Variants in CSMD3 observed in about 807,000 individuals in gnomAD.
CSMD3 encodes the protein CUB and sushi domain-containing protein 3.
A neutral mutation model predicts 435.2 loss-of-function variants in CSMD3; 177 were observed. That is an observed-to-expected ratio of 0.41 (90% CI 0.36 to 0.46). The LOEUF is 0.46. Ranked by LOEUF, CSMD3 falls within the 20% of genes least tolerant of loss-of-function variation. CSMD3 has a pLI of 0.34. For synonymous variants in CSMD3, 1,656 were observed against 1,520.5 expected (o/e 1.09, Z -2.07); for missense variants, 4,265 against 4,504.6 (o/e 0.95, Z 1.52).
chr8:112,684,587 C>A (rs1354532200), intron 15 of CSMD3, among the ~76,000 whole-genome samples: 1 of 152,034 alleles, frequency 6.6e-6, no homozygotes, highest in East Asian at 1.9e-4. Context: ...GGTATATTTG[C>A]AAACAGAAGC....
Position 113,436,697 on chromosome 8 carries a change from A to G in CSMD3, c.158T>C (p.Leu53Ser). 6.2e-7 allele frequency: 1 copy of G among 1,614,204 alleles called. No homozygotes were observed. Among genetic ancestry groups the G allele is most frequent in the Non-Finnish European group, 8.5e-7 (1 of 1,180,040 alleles). ...GFTFWNLVFL[L>S]TVSCVKGFIY... ...CCTACCTTTCACACAAGACACCGTC[A>G]ATAAAAAGACGAGGTTCCAAAACGT... is the stretch of plus-strand genomic sequence containing the variant. The change falls in exon 1 of 71, where the codon TTG becomes TCG. Residue 53 changes from leucine to serine, a missense_variant. By Grantham distance (145) the Leu-to-Ser change is moderately radical. Around this residue, in one of 3 missense-constraint regions of CSMD3, gnomAD observed 731 missense variants for 755.4 expected, o/e 0.97. Transcript: ENST00000297405.
Position 112,685,478 on chromosome 8 carries a change from T to C in CSMD3, c.2410A>G (p.Ser804Gly), listed in dbSNP as rs2075990555. Residue 804 changes from serine (S) to glycine (G), a missense_variant, in exon 15 of 71, where the codon AGT becomes GGT. Physicochemically the swap from Ser to Gly is moderately conservative, Grantham distance 56. Around this residue, in one of 3 missense-constraint regions of CSMD3, gnomAD observed 279 missense variants for 369.0 expected, o/e 0.76. Transcript: ENST00000297405. The part of the protein sequence containing the change: ...AEVPSHLTSN[S>G]HILRLEFQAD... The stretch of plus-strand genomic sequence containing the variant: ...TGAAATTCCAATCGCAGTATGTGAC[T>C]ATTACTAGTAAGATGGGAAGGCACC... 1 of 1,614,034 alleles carries C rather than the reference T, an allele frequency of 6.2e-7. No individual in the cohort carries two copies. Among genetic ancestry groups the C allele is most frequent in the Non-Finnish European group, 8.5e-7 (1 of 1,179,970 alleles).
chr8:112,674,605 A>C (rs1049939544), intron 16 of CSMD3, among the ~76,000 whole-genome samples: 1 of 152,106 alleles, frequency 6.6e-6, no homozygotes, highest in Non-Finnish European at 1.5e-5. Flanking sequence ...CATTTGATGC[A>C]CAGGAAACTT....
chr8:112,531,457 C>T (rs1316042574), intron 27 of CSMD3, among the ~76,000 whole-genome samples: 1 of 152,104 alleles, frequency 6.6e-6, no homozygotes, highest in Admixed American at 6.5e-5. Flanking sequence ...TTACAACAGC[C>T]ACAGGAATGG....
intron 2 of CSMD3, among the ~76,000 whole-genome samples, chr8:113,298,514 T>C (rs1437667281): frequency 6.6e-6 from 1 of 152,198 alleles, no homozygotes; most frequent in Non-Finnish European, 1.5e-5. Context: ...AATCAGCAAG[T>C]ATTTTATTGA....
intron 32 of CSMD3, among the ~76,000 whole-genome samples, chr8:112,448,318 T>C (rs1181177593): frequency 6.6e-6 from 1 of 152,068 alleles, no homozygotes; most frequent in Non-Finnish European, 1.5e-5. Context: ...AAAGGCCCTA[T>C]CCCCCAGTTC....
intron 28 of CSMD3, among the ~76,000 whole-genome samples, chr8:112,507,789 T>C (rs541479133): frequency 1.3e-5 from 2 of 152,290 alleles, no homozygotes; most frequent in Admixed American, 1.3e-4. Flanking sequence ...GGTTTGGTAA[T>C]TTTTCCATTG....
chr8:113,390,843 T>C (rs1347614426), intron 1 of CSMD3, among the ~76,000 whole-genome samples: 1 of 152,022 alleles, frequency 6.6e-6, no homozygotes, highest in Non-Finnish European at 1.5e-5. Context: ...AAATGTATCA[T>C]GGAAAGTATC....
intron 63 of CSMD3, among the ~76,000 whole-genome samples, chr8:112,248,448 T>C (rs1814962307): frequency 6.6e-6 from 1 of 152,082 alleles, no homozygotes; most frequent in Admixed American, 6.6e-5. Context: ...AAAAGTCATT[T>C]CCTCAAAACA....
intron 5 of CSMD3, among the ~76,000 whole-genome samples, chr8:113,046,751 G>C (rs750100422): frequency 1.3e-5 from 2 of 152,204 alleles, no homozygotes; most frequent in Admixed American, 6.5e-5. Context: ...GGGACTTGGA[G>C]GGGCGAGGGT....
intron 1 of CSMD3, chr8:113,376,985 C>G: frequency 6.9e-7 from 1 of 1,438,988 alleles, no homozygotes. Context: ...CTGCGCATGA[C>G]CAGCCGGGCC....
At chr8:112,879,921 G>T (rs1222096201) in intron 10 of CSMD3, among the ~76,000 whole-genome samples, 3 of 151,982 alleles carry the variant, frequency 2.0e-5, no homozygotes, top group South Asian at 2.1e-4. Context: ...GGCCTGTTGG[G>T]GGGTGGAGGG....
At position 112,682,651 on chromosome 8, in the gene CSMD3, G is replaced by A. The variant is rs2131787537; in HGVS notation, c.2483-15C>T. 1.3e-6 allele frequency: 2 copies of A among 1,561,630 alleles called. No individual in the cohort carries two copies. Among genetic ancestry groups the A allele is most frequent in the Non-Finnish European group, 1.8e-6 (2 of 1,132,314 alleles). On this transcript the variant is annotated splice_polypyrimidine_tract_variant and intron_variant, in intron 15 of 70. Transcript: ENST00000297405. ...ATGTCCAAATGCTTTAGAATAATAT[G>A]CAAAGAAAAATACACAAACAAACAA...
chr8:112,476,328 G>A (rs1001066660), intron 31 of CSMD3, among the ~76,000 whole-genome samples: 6 of 152,162 alleles, frequency 3.9e-5, no homozygotes, highest in Non-Finnish European at 8.8e-5. Flanking sequence ...TTATAGGCGG[G>A]AGCCACCACG....
chr8:112,408,195 G>C (rs1414349413), intron 34 of CSMD3, 123 bp downstream of exon 34: 4 of 728,782 alleles, frequency 5.5e-6, no homozygotes, highest in African/African-American at 1.7e-5. Flanking sequence ...ATGGTGGAGG[G>C]GACAAAATAA....
intron 22 of CSMD3, among the ~76,000 whole-genome samples, chr8:112,593,506 G>C (rs1831380278): frequency 6.6e-6 from 1 of 152,086 alleles, no homozygotes; most frequent in Admixed American, 6.6e-5. Flanking sequence ...AGATAAATTT[G>C]GTATGCCTGT....
At position 112,405,183 on chromosome 8, in the gene CSMD3, CAAAAAAA is replaced by C. The variant is rs1274747452; in HGVS notation, c.5809+1334_5809+1340del. On this transcript the variant is annotated intron_variant, in intron 35 of 70. Transcript: ENST00000297405. ...TGAGCGACACAGCAAGACTCTCTCT[CAAAAAAA>C]AAAAAAAAAAAAAAAAAAACCCCCA... is the stretch of plus-strand genomic sequence containing the variant. 3.0e-4 allele frequency among the ~76,000 whole-genome samples: 2 copies of C among 6,770 alleles called. 1 individual carries two copies. The highest frequency in any genetic ancestry group is 4.7e-4 in the Non-Finnish European group (2 of 4,278). 4.4% of individuals were successfully genotyped at this position (6,770 alleles called of 152,430 possible).
chr8:112,482,538 G>A (rs1168255749), intron 31 of CSMD3, among the ~76,000 whole-genome samples: 1 of 152,066 alleles, frequency 6.6e-6, no homozygotes. Flanking sequence ...GCACGCTGTT[G>A]TCACTACCCC....
chr8:112,649,420 A>G (rs1420451165), intron 19 of CSMD3, among the ~76,000 whole-genome samples: 1 of 152,230 alleles, frequency 6.6e-6, no homozygotes, highest in Admixed American at 6.5e-5. Flanking sequence ...AAAATGACAA[A>G]TGGTATCTTC....
Sources: allele counts gnomAD v4.1 joint callset (sites outside exome capture counted in the v4.1 genomes callset), GRCh38; gene constraint gnomAD v4.1.1; regional missense constraint gnomAD v4.1.1; transcripts MANE v1.5; gene names NCBI Gene and HGNC (gene_info 2026-07-23, HGNC 2026-07-21).